RBFOX1: variants seen among roughly 807,000 people sequenced by gnomAD.
RBFOX1 encodes the protein RNA binding fox-1 homolog 1.
Under a neutral mutation model 57.7 loss-of-function variants are expected in RBFOX1, and 8 were observed. The ratio of observed to expected loss-of-function variants is 0.14; its 90% CI spans 0.08 to 0.25. The LOEUF is 0.25. RBFOX1 is among the 10% of genes least tolerant of loss of function. RBFOX1 has a pLI of 1.00. For synonymous variants in RBFOX1, 326 were observed against 222.4 expected, an observed-to-expected ratio of 1.47 and a Z score of -4.15; for missense variants, 611 against 548.5, an observed-to-expected ratio of 1.11 and a Z score of -1.14.
At chr16:7,617,310 C>A (rs2058608909) in intron 10 of RBFOX1, among the ~76,000 whole-genome samples, 1 of 152,110 alleles carries the variant, frequency 6.6e-6, no homozygotes, top group African/African-American at 2.4e-5. Flanking sequence ...TGATTGTTTT[C>A]CAGTAAAACT....
chr16:5,640,833 G>GCACACACACA (rs142919715), intron 3 of RBFOX1, among the ~76,000 whole-genome samples: 6 of 142,762 alleles, frequency 4.2e-5, no homozygotes, highest in African/African-American at 1.6e-4. Context: ...ACACATACAT[G>GCACACACACA]CACACACACA....
intron 11 of RBFOX1, 67 bp downstream of exon 11, chr16:7,630,750 A>G: frequency 1.3e-6 from 2 of 1,598,006 alleles, no homozygotes; most frequent in Non-Finnish European, 1.7e-6. Flanking sequence ...CTTCCCTGCC[A>G]TGTAAGTTCT....
intron 4 of RBFOX1, among the ~76,000 whole-genome samples, chr16:7,363,504 A>T (rs553156739): frequency 1.8e-4 from 28 of 151,672 alleles, no homozygotes; most frequent in African/African-American, 6.5e-4. Flanking sequence ...GGAAAAAAAA[A>T]ATAAGTAAAG....
chr16:6,981,184 T>A (rs2088740248), intron 3 of RBFOX1, among the ~76,000 whole-genome samples: 1 of 151,994 alleles, frequency 6.6e-6, no homozygotes, highest in African/African-American at 2.4e-5. Flanking sequence ...GCTTGTGTGA[T>A]GGGGGTTTGT....
chr16:5,356,421 A>C (rs980344190), intron 1 of RBFOX1, among the ~76,000 whole-genome samples: 1 of 152,198 alleles, frequency 6.6e-6, no homozygotes. Context: ...GTGACTCAAT[A>C]ATGTTTAATG....
chr16:5,640,788 G>A (rs2048838929), intron 3 of RBFOX1, among the ~76,000 whole-genome samples: 1 of 143,162 alleles, frequency 7.0e-6, no homozygotes, highest in Non-Finnish European at 1.5e-5. Flanking sequence ...CACACACCAT[G>A]CATACACACA....
intron 4 of RBFOX1, among the ~76,000 whole-genome samples, chr16:5,962,065 G>C (rs1297645121): frequency 6.6e-6 from 1 of 152,098 alleles, no homozygotes; most frequent in Non-Finnish European, 1.5e-5. Context: ...AATAGCCCCT[G>C]GAGATCCAGC....
At chr16:6,535,898 C>G (rs1189787589) in intron 2 of RBFOX1, among the ~76,000 whole-genome samples, 1 of 152,132 alleles carries the variant, frequency 6.6e-6, no homozygotes, top group Non-Finnish European at 1.5e-5. Context: ...AGTTTCTTCC[C>G]TTTTCCTGCA....
At chr16:7,614,033 G>A (rs1338054070) in intron 10 of RBFOX1, among the ~76,000 whole-genome samples, 4 of 152,144 alleles carry the variant, frequency 2.6e-5, no homozygotes, top group Non-Finnish European at 4.4e-5. Context: ...GCCCTTCAAA[G>A]CAGCAAATAT....
chr16:5,379,003 C>G lies in RBFOX1; in HGVS notation c.220-88213C>G, dbSNP rs150970336. ...AGAAATCCTTCCTTGGGCTCAGGAC[C>G]CCTCACAGTTTTCCACCAATGTATT... On this transcript the variant is annotated intron_variant, in intron 1 of 2. Coordinates refer to the RBFOX1 transcript ENST00000585867. 1.4e-3 allele frequency among the ~76,000 whole-genome samples: 219 copies of G among 151,580 alleles called. 15 individuals are homozygous for G. Among genetic ancestry groups the G allele is most frequent in the African/African-American group, 5.0e-3 (205 of 40,906 alleles).
intron 1 of RBFOX1, among the ~76,000 whole-genome samples, chr16:5,275,812 C>T (rs138024465): frequency 1.0e-3 from 154 of 152,320 alleles, no homozygotes; most frequent in Non-Finnish European, 1.9e-3. Context: ...GTGACCAAAA[C>T]AGCATGGTGC....
chr16:7,225,326 G>T (rs1457738997), intron 4 of RBFOX1, among the ~76,000 whole-genome samples: 1 of 152,020 alleles, frequency 6.6e-6, no homozygotes, highest in Non-Finnish European at 1.5e-5. Context: ...AATCATGGGG[G>T]CTGTTTTCCC....
chr16:6,008,153 C>T (rs965221576), intron 4 of RBFOX1, among the ~76,000 whole-genome samples: 2 of 152,120 alleles, frequency 1.3e-5, no homozygotes, highest in South Asian at 2.1e-4. Flanking sequence ...TGCAGTGAGT[C>T]GAGCTGGTGC....
chr16:7,182,708 G>A (rs894941316), intron 4 of RBFOX1, among the ~76,000 whole-genome samples: 9 of 152,126 alleles, frequency 5.9e-5, no homozygotes, highest in Non-Finnish European at 1.2e-4. Context: ...AAAGGGATCA[G>A]CACCCTGGAC....
chr16:5,426,878 C>T (rs1418083718), intron 1 of RBFOX1, among the ~76,000 whole-genome samples: 2 of 152,210 alleles, frequency 1.3e-5, no homozygotes, highest in Non-Finnish European at 2.9e-5. Flanking sequence ...GGGCTGCAAC[C>T]ATCCCTGCTT....
chr16:6,880,814 AAATC>A (rs1442827236), intron 3 of RBFOX1, among the ~76,000 whole-genome samples: 1 of 152,214 alleles, frequency 6.6e-6, no homozygotes, highest in East Asian at 1.9e-4. Flanking sequence ...TTGAAAGAAT[AAATC>A]AATATATAAA....
intron 4 of RBFOX1, among the ~76,000 whole-genome samples, chr16:5,884,873 G>T (rs944442032): frequency 4.6e-5 from 7 of 152,118 alleles, no homozygotes; most frequent in African/African-American, 1.7e-4. Flanking sequence ...CGAGCTTGGA[G>T]TGTCTTTCTC....
intron 3 of RBFOX1, among the ~76,000 whole-genome samples, chr16:6,991,955 C>A (rs1164266113): frequency 1.3e-5 from 2 of 152,150 alleles, no homozygotes; most frequent in African/African-American, 4.8e-5. Flanking sequence ...GGGGGTGTCC[C>A]AGATCCTGTG....
intron 2 of RBFOX1, among the ~76,000 whole-genome samples, chr16:6,382,646 G>A (rs574806261): frequency 2.4e-4 from 36 of 152,080 alleles, no homozygotes; most frequent in Admixed American, 3.3e-4. Flanking sequence ...GATCATCTGA[G>A]GTTAGGAGTT....
Sources: allele counts gnomAD v4.1 joint callset (sites outside exome capture counted in the v4.1 genomes callset), GRCh38; gene constraint gnomAD v4.1.1; transcripts MANE v1.5; gene names NCBI Gene and HGNC (gene_info 2026-07-23, HGNC 2026-07-21).